HOXA4: variants seen among roughly 807,000 people sequenced by gnomAD.
HOXA4 encodes homeobox A4.
HOXA4 carries 31 observed loss-of-function variants against 25.3 expected under a neutral mutation model. The ratio of observed to expected loss-of-function variants is 1.22; its 90% CI spans 0.92 to 1.65. The LOEUF (loss-of-function observed/expected upper bound fraction) is 1.65, where lower values mean the gene tolerates loss of function less well. HOXA4 is among the 40% of genes most tolerant of loss of function. The pLI is 0.00. For missense variants in HOXA4, 459 were observed against 446.0 expected (o/e 1.03, Z -0.26); for synonymous variants, 225 against 207.7 (o/e 1.08, Z -0.72).
At position 27,130,152 on chromosome 7, in the gene HOXA4, C is replaced by T; in HGVS notation, c.582G>A (p.Val194=). The change falls in exon 1 of 2, where the codon GTG becomes GTA. Residue 194 remains valine, a synonymous_variant. Coordinates refer to ENST00000360046, the MANE Select transcript of HOXA4 (RefSeq NM_002141.5). ...CATGGATCTTCTTCATCCAGGGGTA[C>T]ACCACGGGCTCCTTGCCCTTCAGGC... is the stretch of plus-strand genomic sequence containing the variant. ...PLGLKGKEPV[V]YPWMKKIHVS... is the part of the protein sequence containing the mutation. 6.2e-7 allele frequency: 1 copy of T among 1,603,480 alleles called. No homozygotes were observed. The highest frequency in any genetic ancestry group is 8.5e-7 in the Non-Finnish European group (1 of 1,177,888).
Position 27,130,568 on chromosome 7 carries a change from G to A in HOXA4, c.166C>T (p.Gln56Ter). ...PAPPTQHLPL[Q>*]QPQLPHAGGG... ...CCCGCGTGAGGGAGCTGGGGCTGCT[G>A]CAGCGGCAGGTGCTGGGTCGGGGGC... The change falls in exon 1 of 2, where the codon CAG becomes TAG. Residue 56 changes from glutamine (Q) to a stop codon, truncating the protein, a stop_gained. Coordinates refer to ENST00000360046, the MANE Select transcript of HOXA4 (RefSeq NM_002141.5). LOFTEE classifies it high-confidence loss of function. 1 of 1,444,148 alleles carries A rather than the reference G, an allele frequency of 6.9e-7. No individual in the cohort carries two copies. The highest frequency in any genetic ancestry group is 9.1e-7 in the Non-Finnish European group (1 of 1,097,174). The allele number at this position is 1,444,148 out of a possible 1,614,324, so 89.5% of individuals were successfully genotyped here. A position where few individuals can be genotyped will look rare whatever the true frequency, so the allele number is the denominator to read the frequency against.
Position 27,128,970 on chromosome 7 carries a change from C to T in HOXA4, c.*255G>A, listed in dbSNP as rs577850386. The T allele has an allele frequency of 7.1e-6, 4 of 559,558 alleles. No homozygotes were observed. The Admixed American group carries it at 9.3e-5, about 13-fold the overall frequency. The allele number at this position is 559,558 out of a possible 1,614,324, so 34.7% of individuals were successfully genotyped here. On this transcript the variant is annotated 3_prime_UTR_variant, in exon 2 of 2. Coordinates refer to ENST00000360046, the MANE Select transcript of HOXA4 (RefSeq NM_002141.5). ...TACCAAGTAGTCCTTCTCAGGTATC[C>T]ACACCTGGCAGCCTTGTTTCGGGCC...
At chr7:27,129,851 T>G (rs1785445373) in intron 1 of HOXA4, 7 of 606,390 alleles carry the variant, frequency 1.2e-5, no homozygotes, top group South Asian at 1.0e-4. Context: ...CCAGGGCAAT[T>G]AAATTTATGG....
chr7:27,129,889 G>T, intron 1 of HOXA4: 1 of 609,680 alleles, frequency 1.6e-6, no homozygotes, highest in Non-Finnish European at 2.9e-6. Flanking sequence ...CTAACAGTTT[G>T]GCGTCTCGTA....
chr7:27,130,470 C>A lies in HOXA4; in HGVS notation c.264G>T (p.Ala88=). The change falls in exon 1 of 2, where the codon GCG becomes GCT. Residue 88 remains alanine (A), a synonymous_variant. Coordinates refer to ENST00000360046, the MANE Select transcript of HOXA4 (RefSeq NM_002141.5). The part of the protein sequence containing the change: ...TAREPAYPAA[A]LYPAHGAADT... ...CCGCGGCCCCATGCGCGGGGTACAG[C>A]GCGGCAGCAGGGTAGGCGGGCTCGC... is the stretch of plus-strand genomic sequence containing the variant. 8.0e-7 allele frequency: 1 copy of A among 1,254,436 alleles called. No homozygotes were observed. The highest frequency in any genetic ancestry group is 1.0e-6 in the Non-Finnish European group (1 of 1,001,494). The allele number at this position is 1,254,436 out of a possible 1,614,324, so 77.7% of individuals were successfully genotyped here.
At position 27,130,431 on chromosome 7, in the gene HOXA4, G is replaced by A; in HGVS notation, c.303C>T (p.Pro101=). ...PAHGAADTAY[P]YGYRGGASPG... ...GGCTGGCGCCGCCGCGGTAGCCATAGGGGTAGGCGGTGTCCGCGGCCCCAT... is the reference window on the plus strand; with the variant it reads ...GGCTGGCGCCGCCGCGGTAGCCATAAGGGTAGGCGGTGTCCGCGGCCCCAT... The change falls in exon 1 of 2, where the codon CCC becomes CCT. Residue 101 remains proline (P), a synonymous_variant. Transcript: ENST00000360046. 1 of 1,191,704 alleles carries A rather than the reference G, an allele frequency of 8.4e-7. No individual in the cohort carries two copies. The highest frequency in any genetic ancestry group is 1.0e-6 in the Non-Finnish European group (1 of 963,634). The allele number at this position is 1,191,704 out of a possible 1,614,324, so 73.8% of individuals were successfully genotyped here. A position where few individuals can be genotyped will look rare whatever the true frequency, so the allele number is the denominator to read the frequency against.
rs1410129427 is a variant in HOXA4, at chr7:27,129,484, T to A, written c.704A>T (p.His235Leu). Residue 235 changes from histidine (H) to leucine (L), a missense_variant, in exon 2 of 2, where the codon CAC becomes CTC. His to Leu is a moderately conservative substitution (Grantham distance 99). Transcript: ENST00000360046. Reference protein sequence around the residue: ...QQVLELEKEFHFNRYLTRRRR... With the variant: ...QQVLELEKEFLFNRYLTRRRR... ...CCGCCGGGTCAGGTATCGATTGAAG[T>A]GGAACTCCTTCTCCAGCTCCAAGAC... The A allele has an allele frequency of 6.2e-7, 1 of 1,614,006 alleles. No individual in the cohort carries two copies. The highest frequency in any genetic ancestry group is 1.7e-5 in the Admixed American group (1 of 60,016).
At position 27,130,605 on chromosome 7, in the gene HOXA4, C is replaced by T. The variant is rs1249277807; in HGVS notation, c.129G>A (p.Gln43=). The T allele has an allele frequency of 1.3e-6, 2 of 1,540,874 alleles. No homozygotes were observed. Among genetic ancestry groups the T allele is most frequent in the Admixed American group, 2.0e-5 (1 of 50,898 alleles). Reference sequence around the variant, plus strand: ...GCTGGGTCGGGGGCGCTGGGGGCTGCTGGTAGCCGGGGCCCCCGCCCGGGC... The same window carrying T: ...GCTGGGTCGGGGGCGCTGGGGGCTGTTGGTAGCCGGGGCCCCCGCCCGGGC... ...DGGPGGGPGY[Q]QPPAPPTQHL... Residue 43 remains glutamine (Q), a synonymous_variant, in exon 1 of 2, where the codon CAG becomes CAA. Coordinates refer to ENST00000360046, the MANE Select transcript of HOXA4 (RefSeq NM_002141.5).
chr7:27,129,527 C>T lies in HOXA4; in HGVS notation c.661G>A (p.Ala221Thr). Residue 221 changes from alanine (A) to threonine (T), a missense_variant, in exon 2 of 2, where the codon GCC (alanine) becomes ACC (threonine). Transcript: ENST00000360046. ...TCCAAGACCTGCTGCCGGGTGTAGG[C>T]GGTTCGAGAGCGCTTAGGCTCCCCT... ...NGGEPKRSRT[A>T]YTRQQVLELE... The T allele has an allele frequency of 1.2e-6, 2 of 1,613,914 alleles. No individual in the cohort carries two copies. The highest frequency in any genetic ancestry group is 1.7e-6 in the Non-Finnish European group (2 of 1,179,990).
chr7:27,128,671 C>CA lies in HOXA4; in HGVS notation c.*553_*554insT. The CA allele has an allele frequency of 1.8e-5, 3 of 168,794 alleles. No individual in the cohort carries two copies. The highest frequency in any genetic ancestry group is 1.5e-4 in the East Asian group (1 of 6,640). The allele number at this position is 168,794 out of a possible 1,614,324, so 10.5% of individuals were successfully genotyped here. A position where few individuals can be genotyped will look rare whatever the true frequency, so the allele number is the denominator to read the frequency against. On this transcript the variant is annotated 3_prime_UTR_variant, in exon 2 of 2. Coordinates refer to ENST00000360046, the MANE Select transcript of HOXA4 (RefSeq NM_002141.5). The stretch of plus-strand genomic sequence containing the variant: ...GACAACAGTATCTCTGTAACAGTGT[C>CA]TTAAATAAATGCAAGTAAGAAAAAC...
chr7:27,129,708 G>A, intron 1 of HOXA4, 137 bp from the exon 2 acceptor site: 1 of 941,284 alleles, frequency 1.1e-6, no homozygotes, highest in South Asian at 1.4e-5. Context: ...CCAAGTTCAC[G>A]CAAGATACAT....
At position 27,129,524 on chromosome 7, in the gene HOXA4, A is replaced by C; in HGVS notation, c.664T>G (p.Tyr222Asp). The C allele has an allele frequency of 1.9e-6, 3 of 1,614,072 alleles. No individual in the cohort carries two copies. The highest frequency in any genetic ancestry group is 1.6e-4 in the Middle Eastern group (1 of 6,062). ...GGEPKRSRTA[Y>D]TRQQVLELEK... is the part of the protein sequence containing the mutation. ...AGCTCCAAGACCTGCTGCCGGGTGT[A>C]GGCGGTTCGAGAGCGCTTAGGCTCC... Residue 222 changes from tyrosine to aspartate, a missense_variant, in exon 2 of 2, where the codon TAC (tyrosine) becomes GAC (aspartate). Tyr to Asp is a radical substitution (Grantham distance 160). Transcript: ENST00000360046.
rs1785493964 is a variant in HOXA4 at position 27,130,485 on chromosome 7, G to C, written c.249C>G (p.Ala83=). The C allele has an allele frequency of 1.3e-5, 16 of 1,273,742 alleles. No individual in the cohort carries two copies. Among genetic ancestry groups the C allele is most frequent in the Admixed American group, 8.0e-5 (2 of 24,986 alleles). The allele number at this position is 1,273,742 out of a possible 1,614,324, so 78.9% of individuals were successfully genotyped here. ...YYAPRTAREP[A]YPAAALYPAH... ...CGGGGTACAGCGCGGCAGCAGGGTA[G>C]GCGGGCTCGCGGGCGGTCCGCGGCG... is the stretch of plus-strand genomic sequence containing the variant. The change falls in exon 1 of 2, where the codon GCC becomes GCG. Residue 83 remains alanine, a synonymous_variant. Coordinates refer to ENST00000360046, the MANE Select transcript of HOXA4 (RefSeq NM_002141.5).
At position 27,130,131 on chromosome 7, in the gene HOXA4, G is replaced by T; in HGVS notation, c.603C>A (p.Ile201=). 6.2e-7 allele frequency: 1 copy of T among 1,602,826 alleles called. No individual in the cohort carries two copies. The highest frequency in any genetic ancestry group is 1.1e-5 in the South Asian group (1 of 90,132). The change falls in exon 1 of 2, where the codon ATC becomes ATA. Residue 201 remains isoleucine (I), a synonymous_variant. Coordinates refer to ENST00000360046, the MANE Select transcript of HOXA4 (RefSeq NM_002141.5). ...EPVVYPWMKK[I]HVSAVNPSYN... is the part of the protein sequence containing the mutation. ...GGCGCCACGTACCGGCGCTGACATG[G>T]ATCTTCTTCATCCAGGGGTACACCA...
chr7:27,130,638 T>TGCGCCGCCC lies in HOXA4; in HGVS notation c.87_95dup (p.Gly30_Ala32dup), dbSNP rs1210748583. Reference sequence around the variant, plus strand: ...CGGGGCCCCCGCCCGGGCCGCCGTCTGCGCCGCCCGAGCCGCTGTGCTGCG... The same window carrying TGCGCCGCCC: ...CGGGGCCCCCGCCCGGGCCGCCGTCTGCGCCGCCCGCGCCGCCCGAGCCGCTGTGCTGCG... On this transcript the variant is annotated inframe_insertion, in exon 1 of 2. Coordinates refer to ENST00000360046, the MANE Select transcript of HOXA4 (RefSeq NM_002141.5). 28 of 1,589,960 alleles carry TGCGCCGCCC rather than the reference T, an allele frequency of 1.8e-5. No homozygotes were observed. The highest frequency in any genetic ancestry group is 2.3e-5 in the Non-Finnish European group (27 of 1,167,940).
chr7:27,130,187 T>C lies in HOXA4; in HGVS notation c.547A>G (p.Ser183Gly). The C allele has an allele frequency of 1.4e-5, 22 of 1,586,014 alleles. No homozygotes were observed. The highest frequency in any genetic ancestry group is 1.8e-5 in the Non-Finnish European group (21 of 1,171,238). The change falls in exon 1 of 2, where the codon AGC becomes GGC. Residue 183 changes from serine (S) to glycine (G), a missense_variant. Physicochemically the swap from Ser to Gly is moderately conservative, Grantham distance 56. Transcript: ENST00000360046. ...TCCTTGCCCTTCAGGCCCAGCGGGC[T>C]CTTGTCGGCCAAGAGCAGCGGGCAC... Reference protein sequence around the residue: ...PACPLLLADKSPLGLKGKEPV... With the variant: ...PACPLLLADKGPLGLKGKEPV...
At chr7:27,129,860 G>A (rs1320530853) in intron 1 of HOXA4, 1 of 605,372 alleles carries the variant, frequency 1.7e-6, no homozygotes, top group Non-Finnish European at 2.9e-6. Context: ...TTAAATTTAT[G>A]GGGGCTATAA....
At chr7:27,129,612 G>A (rs753851031) in intron 1 of HOXA4, 41 bp from the exon 2 acceptor site, 2 of 1,603,766 alleles carry the variant, frequency 1.2e-6, no homozygotes, top group Middle Eastern at 1.6e-4. Context: ...CAAGGAGGAG[G>A]GAGCGGAAGA....
Position 27,129,573 on chromosome 7 carries a change from T to A in HOXA4, c.617-2A>T. 1 of 1,611,096 alleles carries A rather than the reference T, an allele frequency of 6.2e-7. No individual in the cohort carries two copies. Among genetic ancestry groups the A allele is most frequent in the Non-Finnish European group, 8.5e-7 (1 of 1,179,880 alleles). ...CCCCTCCGTTATAACTGGGGTTAAC[T>A]GAAAACCCAGAACCCCGAAATAGAA... On this transcript the variant is annotated splice_acceptor_variant, in intron 1 of 1. Coordinates refer to ENST00000360046, the MANE Select transcript of HOXA4 (RefSeq NM_002141.5). LOFTEE classifies it high-confidence loss of function.
Sources: gnomAD v4.1 joint callset for allele counts on GRCh38, gnomAD v4.1.1 for gene constraint, MANE v1.5 for transcripts, NCBI Gene and HGNC (gene_info 2026-07-23, HGNC 2026-07-21) for gene names.